FOXJ3: variants seen among roughly 807,000 people sequenced by gnomAD.
FOXJ3 encodes the protein forkhead box protein J3.
Under a neutral mutation model 76.1 loss-of-function variants are expected in FOXJ3, and 22 were observed. The ratio of observed to expected loss-of-function variants is 0.29; its 90% CI spans 0.21 to 0.41. FOXJ3 has a LOEUF of 0.41. Ranked by LOEUF, FOXJ3 falls within the 10% of genes least tolerant of loss-of-function variation. The pLI, the probability that FOXJ3 is intolerant of heterozygous loss-of-function variation, is 1.00. For synonymous variants in FOXJ3, 269 were observed against 261.2 expected (o/e 1.03, Z -0.29); for missense variants, 613 against 762.1 (o/e 0.80, Z 2.30).
At chr1:42,186,492 A>T (rs1270548847) in intron 11 of FOXJ3, among the ~76,000 whole-genome samples, 1 of 152,092 alleles carries the variant, frequency 6.6e-6, no homozygotes, top group Admixed American at 6.5e-5. Context: ...TGTCATCGGG[A>T]CCCTAGAAAG....
chr1:42,284,444 G>C (rs1469891501), intron 2 of FOXJ3, among the ~76,000 whole-genome samples: 1 of 152,186 alleles, frequency 6.6e-6, no homozygotes, highest in Admixed American at 6.5e-5. Flanking sequence ...AATAAACTTT[G>C]ATTAGAGTTA....
At chr1:42,255,671 A>C (rs1326275760) in intron 4 of FOXJ3, among the ~76,000 whole-genome samples, 2 of 152,218 alleles carry the variant, frequency 1.3e-5, no homozygotes, top group Non-Finnish European at 2.9e-5. Context: ...GTTGCATAAG[A>C]AAGCTGGAAT....
intron 5 of FOXJ3, among the ~76,000 whole-genome samples, chr1:42,210,588 G>A (rs1348414798): frequency 6.6e-6 from 1 of 152,188 alleles, no homozygotes; most frequent in Admixed American, 6.5e-5. Context: ...TGGCTAACCA[G>A]AAGGTCTTGA....
intron 2 of FOXJ3, among the ~76,000 whole-genome samples, chr1:42,310,677 T>C (rs1654752557): frequency 6.6e-6 from 1 of 151,280 alleles, no homozygotes; most frequent in Non-Finnish European, 1.5e-5. Flanking sequence ...CTCAAACTCC[T>C]GACCTCAGGT....
chr1:42,236,932 G>C (rs1487982946), intron 4 of FOXJ3, among the ~76,000 whole-genome samples: 3 of 152,030 alleles, frequency 2.0e-5, no homozygotes, highest in South Asian at 2.1e-4. Flanking sequence ...GTACTTATTT[G>C]CCACCCATAT....
chr1:42,292,883 TTGAG>T (rs1653533465), intron 2 of FOXJ3, among the ~76,000 whole-genome samples: 2 of 152,272 alleles, frequency 1.3e-5, no homozygotes, highest in Non-Finnish European at 2.9e-5. Flanking sequence ...GGCAGATTGC[TTGAG>T]CTCAGGATGT....
At chr1:42,324,146 C>CACTATATATACACTGTGTATATACAG (rs1553170613) in intron 1 of FOXJ3, among the ~76,000 whole-genome samples, 1 of 85,764 alleles carries the variant, frequency 1.2e-5, no homozygotes, top group East Asian at 3.0e-4. Context: ...AGTATATATA[C>CACTATATATACACTGTGTATATACAG]TATATATACA....
chr1:42,244,780 TGA>T (rs1331967532), intron 4 of FOXJ3, among the ~76,000 whole-genome samples: 2 of 151,308 alleles, frequency 1.3e-5, no homozygotes, highest in African/African-American at 4.9e-5. Flanking sequence ...ACTGTAAAAC[TGA>T]GAGGAAATGA....
In FOXJ3 at chr1:42,178,088, T is replaced by C. The variant is rs1457576901; in HGVS notation, c.*1622A>G. The C allele has an allele frequency of 6.6e-6, 1 of 152,482 alleles. No individual in the cohort carries two copies. Among genetic ancestry groups the C allele is most frequent in the Non-Finnish European group, 1.5e-5 (1 of 68,018 alleles). 9.4% of individuals were successfully genotyped at this position (152,482 alleles called of 1,614,324 possible). The stretch of plus-strand genomic sequence containing the variant: ...GATAATCAGTCCATGCAAACTGTGA[T>C]ATGATATGAAACAAAACAAACCACC... On this transcript the variant is annotated 3_prime_UTR_variant, in exon 13 of 13. Coordinates refer to ENST00000361346, the MANE Select transcript of FOXJ3 (RefSeq NM_014947.5).
intron 2 of FOXJ3, among the ~76,000 whole-genome samples, chr1:42,283,103 C>T (rs1271660552): frequency 1.3e-5 from 2 of 152,092 alleles, no homozygotes; most frequent in Non-Finnish European, 1.5e-5. Context: ...GACTGACAGG[C>T]AGCTTTATAC....
At chr1:42,231,470 G>C (rs1648109090) in intron 4 of FOXJ3, among the ~76,000 whole-genome samples, 1 of 152,176 alleles carries the variant, frequency 6.6e-6, no homozygotes, top group African/African-American at 2.4e-5. Context: ...TAGGGGATAA[G>C]GGGAAGGGAA....
intron 1 of FOXJ3, among the ~76,000 whole-genome samples, chr1:42,316,451 A>C (rs372587082): frequency 6.6e-6 from 1 of 150,558 alleles, no homozygotes; most frequent in South Asian, 2.1e-4. Flanking sequence ...GATTACAGGC[A>C]TGAGTCATCA....
chr1:42,236,349 C>T lies in FOXJ3; in HGVS notation c.445-8383G>A, dbSNP rs143119434. On this transcript the variant is annotated intron_variant, in intron 4 of 12. Coordinates refer to ENST00000361346, the MANE Select transcript of FOXJ3 (RefSeq NM_014947.5). The stretch of plus-strand genomic sequence containing the variant: ...AGGACTATAAGTTCCTGTCACCAGG[C>T]ACAGCTAATATTTTCCTTTATCTTT... 2.3e-3 allele frequency among the ~76,000 whole-genome samples: 351 copies of T among 152,216 alleles called. 1 individual carries two copies. Among genetic ancestry groups the T allele is most frequent in the African/African-American group, 8.2e-3 (340 of 41,514 alleles).
intron 8 of FOXJ3, 45 bp downstream of exon 8, chr1:42,194,845 T>C (rs895320104): frequency 2.4e-6 from 3 of 1,274,348 alleles, no homozygotes; most frequent in East Asian, 4.7e-5. Context: ...TAAAAACCTT[T>C]TTCCAATAAA....
upstream of FOXJ3, chr1:42,335,754 C>T (rs1357330276): frequency 6.6e-6 from 1 of 152,196 alleles, no homozygotes; most frequent in Admixed American, 6.5e-5. Flanking sequence ...TTCAGAACTT[C>T]ATGAGTCCCA....
At position 42,250,351 on chromosome 1, in the gene FOXJ3, A is replaced by C. The variant is rs533169860; in HGVS notation, c.444+14764T>G. Among the ~76,000 whole-genome samples, 15 of 152,334 alleles carry C rather than the reference A, an allele frequency of 9.8e-5. No homozygotes were observed. The East Asian group carries it at 2.9e-3, about 29-fold the overall frequency. ...GCTAAACACTATACAGATAAGGATAATACGTCATACCCTCTTAAAATAACA... is the reference window on the plus strand; with the variant it reads ...GCTAAACACTATACAGATAAGGATACTACGTCATACCCTCTTAAAATAACA... On this transcript the variant is annotated intron_variant, in intron 4 of 12. Transcript: ENST00000361346.
At chr1:42,219,759 C>T (rs1395870001) in intron 5 of FOXJ3, among the ~76,000 whole-genome samples, 1 of 152,134 alleles carries the variant, frequency 6.6e-6, no homozygotes, top group Non-Finnish European at 1.5e-5. Flanking sequence ...AGACCTGTCT[C>T]TACAAAAATA....
intron 1 of FOXJ3, among the ~76,000 whole-genome samples, chr1:42,320,152 C>A (rs149937350): frequency 6.6e-6 from 1 of 152,116 alleles, no homozygotes; most frequent in African/African-American, 2.4e-5. Flanking sequence ...AGGAAATATA[C>A]GTAACTGCCT....
At chr1:42,238,199 A>G (rs1011765271) in intron 4 of FOXJ3, among the ~76,000 whole-genome samples, 1 of 151,684 alleles carries the variant, frequency 6.6e-6, no homozygotes, top group Non-Finnish European at 1.5e-5. Flanking sequence ...TGCCTGGTTA[A>G]TTTTTCTATA....
Sources: gnomAD v4.1 joint callset for allele counts (sites outside exome capture counted in the v4.1 genomes callset) on GRCh38, gnomAD v4.1.1 for gene constraint, MANE v1.5 for transcripts, NCBI Gene and HGNC (gene_info 2026-07-23, HGNC 2026-07-21) for gene names.